EPS15: variants seen among roughly 807,000 people sequenced by gnomAD.
The protein encoded by EPS15 is epidermal growth factor receptor pathway substrate 15.
EPS15 carries 72 observed loss-of-function variants against 113.8 expected under a neutral mutation model. The ratio of observed to expected loss-of-function variants is 0.63; its 90% CI spans 0.52 to 0.77. The LOEUF is 0.77. Among genes scored for constraint, EPS15 ranks in the 30% least tolerant of loss-of-function variants. The pLI is 0.00. For missense variants in EPS15, 1,048 were observed against 1,045.8 expected, an observed-to-expected ratio of 1.00 and a Z score of -0.03; for synonymous variants, 344 against 363.4, an observed-to-expected ratio of 0.95 and a Z score of 0.61.
At chr1:51,502,181 C>T (rs2148552399) in intron 1 of EPS15, among the ~76,000 whole-genome samples, 1 of 152,238 alleles carries the variant, frequency 6.6e-6, no homozygotes, top group South Asian at 2.1e-4. Flanking sequence ...GGCAGAATTA[C>T]TTAAGCCCAG....
At chr1:51,488,300 T>C (rs138460542) in intron 1 of EPS15, among the ~76,000 whole-genome samples, 260 of 152,186 alleles carry the variant, frequency 1.7e-3, no homozygotes, top group African/African-American at 5.3e-3. Flanking sequence ...TATTACAATT[T>C]AAAAGCAATT....
At chr1:51,451,526 GA>G (rs1163541309) in intron 8 of EPS15, among the ~76,000 whole-genome samples, 1 of 138,940 alleles carries the variant, frequency 7.2e-6, no homozygotes, top group African/African-American at 2.7e-5. Flanking sequence ...AGAAAGAAAA[GA>G]AAAAAAAAGA....
chr1:51,459,454 C>T (rs1357458904), intron 8 of EPS15, among the ~76,000 whole-genome samples: 1 of 151,944 alleles, frequency 6.6e-6, no homozygotes, highest in Non-Finnish European at 1.5e-5. Context: ...CAAGATTGCG[C>T]CACTGCACTC....
At chr1:51,406,425 T>G (rs959412714) in intron 15 of EPS15, among the ~76,000 whole-genome samples, 1 of 152,096 alleles carries the variant, frequency 6.6e-6, no homozygotes, top group African/African-American at 2.4e-5. Context: ...CAGTGAGCCA[T>G]GATCACACCA....
intron 2 of EPS15, among the ~76,000 whole-genome samples, chr1:51,473,587 C>A (rs114766676): frequency 0.019 from 2,826 of 151,460 alleles, 88 homozygotes; most frequent in African/African-American, 0.066. Flanking sequence ...CAGAAACAAA[C>A]AAACAAACAA....
Position 51,409,627 on chromosome 1 carries a change from G to A in EPS15, c.1183C>T (p.Gln395Ter). Residue 395 changes from glutamine (Q) to a stop codon, truncating the protein, a stop_gained, in exon 14 of 25, where the codon CAG (glutamine) becomes TAG (stop). Transcript: ENST00000371733. LOFTEE classifies it high-confidence loss of function. Reference protein sequence around the residue: ...QKLQAQKQQVQELLDELDEQK... With the variant: ...QKLQAQKQQV ...TCATCCAGTTCATCAAGGAGTTCCT[G>A]TACCTGCTGTTTCTGGGCCTGTAGT... 6.2e-7 allele frequency: 1 copy of A among 1,613,564 alleles called. No individual in the cohort carries two copies. Among genetic ancestry groups the A allele is most frequent in the Non-Finnish European group, 8.5e-7 (1 of 1,179,632 alleles).
intron 21 of EPS15, among the ~76,000 whole-genome samples, chr1:51,384,110 C>T (rs1194104136): frequency 6.6e-6 from 1 of 152,086 alleles, no homozygotes; most frequent in Non-Finnish European, 1.5e-5. Context: ...CCCATGTTCA[C>T]AGATTAGAAG....
At chr1:51,367,378 C>T (rs193298752) in intron 21 of EPS15, among the ~76,000 whole-genome samples, 9 of 152,056 alleles carry the variant, frequency 5.9e-5, no homozygotes, top group African/African-American at 1.4e-4. Context: ...ACAGCGAAAC[C>T]CTCTCTCTAC....
At chr1:51,504,353 T>A (rs958941207) in intron 1 of EPS15, among the ~76,000 whole-genome samples, 1 of 152,104 alleles carries the variant, frequency 6.6e-6, no homozygotes, top group Non-Finnish European at 1.5e-5. Flanking sequence ...GAGGTTGCAA[T>A]GAACTGTGAT....
At chr1:51,466,242 A>G (rs1164714535) in intron 5 of EPS15, among the ~76,000 whole-genome samples, 1 of 151,804 alleles carries the variant, frequency 6.6e-6, no homozygotes, top group African/African-American at 2.4e-5. Context: ...TTCAAAGGGA[A>G]TGAAGAGACA....
intron 13 of EPS15, among the ~76,000 whole-genome samples, chr1:51,416,923 C>T (rs930495922): frequency 1.3e-5 from 2 of 151,388 alleles, no homozygotes; most frequent in African/African-American, 4.8e-5. Context: ...ATCAGATACA[C>T]TGTTTTATCT....
At chr1:51,433,439 G>A (rs759320918) in intron 12 of EPS15, among the ~76,000 whole-genome samples, 2 of 152,198 alleles carry the variant, frequency 1.3e-5, no homozygotes, top group Non-Finnish European at 2.9e-5. Context: ...GTCATGTCAG[G>A]CAATCTGGAA....
intron 5 of EPS15, among the ~76,000 whole-genome samples, chr1:51,468,115 C>T (rs1654980873): frequency 6.6e-6 from 1 of 152,034 alleles, no homozygotes; most frequent in Non-Finnish European, 1.5e-5. Flanking sequence ...CACACCAACA[C>T]ACTCGGCTAA....
intron 12 of EPS15, among the ~76,000 whole-genome samples, chr1:51,429,893 C>T (rs958600537): frequency 5.3e-5 from 8 of 152,052 alleles, no homozygotes; most frequent in African/African-American, 1.7e-4. Flanking sequence ...TCAGGTGATC[C>T]ACCCACCTCA....
chr1:51,512,573 A>G (rs1425663444), intron 1 of EPS15, among the ~76,000 whole-genome samples: 1 of 152,192 alleles, frequency 6.6e-6, no homozygotes, highest in Non-Finnish European at 1.5e-5. Flanking sequence ...AGTTCTTACA[A>G]ATCAGTGAGA....
intron 1 of EPS15, among the ~76,000 whole-genome samples, chr1:51,516,670 C>T (rs904273622): frequency 6.6e-6 from 1 of 152,060 alleles, no homozygotes; most frequent in Non-Finnish European, 1.5e-5. Flanking sequence ...TTGGTAAAGG[C>T]AAGAAATTAT....
At chr1:51,381,135 C>T (rs765854733) in intron 21 of EPS15, among the ~76,000 whole-genome samples, 1 of 147,664 alleles carries the variant, frequency 6.8e-6, no homozygotes, top group African/African-American at 2.5e-5. Flanking sequence ...AGGACTTGAA[C>T]AACACTTTAG....
intron 10 of EPS15, among the ~76,000 whole-genome samples, chr1:51,446,153 G>A (rs888647956): frequency 2.6e-5 from 4 of 152,120 alleles, no homozygotes; most frequent in African/African-American, 7.2e-5. Context: ...CTCTGGTATC[G>A]TTAGGTGGAT....
At chr1:51,364,121 T>C in intron 22 of EPS15, 93 bp from the exon 23 acceptor site, 2 of 928,754 alleles carry the variant, frequency 2.2e-6, no homozygotes, top group Non-Finnish European at 3.0e-6. Context: ...TATTATACAG[T>C]TTTATTTATT....
Sources: gnomAD v4.1 joint callset for allele counts (sites outside exome capture counted in the v4.1 genomes callset) on GRCh38, gnomAD v4.1.1 for gene constraint, MANE v1.5 for transcripts, NCBI Gene and HGNC (gene_info 2026-07-23, HGNC 2026-07-21) for gene names.